SFMBT2: variants seen among roughly 807,000 people sequenced by gnomAD.
SFMBT2 encodes Scm like with four mbt domains 2, also known as scm-like with four MBT domains protein 2.
A neutral mutation model predicts 110.1 loss-of-function variants in SFMBT2; 38 were observed. The observed-to-expected ratio is 0.35, with a 90% CI of 0.27 to 0.45. SFMBT2 has a LOEUF of 0.45. Ranked by LOEUF, SFMBT2 falls within the 20% of genes least tolerant of loss-of-function variation. The probability of loss-of-function intolerance (pLI) is 1.00; values close to 1 mark genes in which losing one functional copy is unlikely to be tolerated. For synonymous variants in SFMBT2, 425 were observed against 425.4 expected (o/e 1.00, Z 0.01); for missense variants, 1,011 against 1,094.9 (o/e 0.92, Z 1.08).
chr10:7,297,486 T>C (rs1842434814), intron 4 of SFMBT2, among the ~76,000 whole-genome samples: 1 of 151,568 alleles, frequency 6.6e-6, no homozygotes, highest in African/African-American at 2.4e-5. Flanking sequence ...GGGCAGGGGC[T>C]CAGAGCTAAA....
At chr10:7,295,316 G>A (rs1842376234) in intron 4 of SFMBT2, 1 of 152,206 alleles carries the variant, frequency 6.6e-6, no homozygotes, top group African/African-American at 2.4e-5. Flanking sequence ...TCCACTCCAG[G>A]AGACTGGGAC....
At chr10:7,265,679 C>G (rs1027430374) in intron 7 of SFMBT2, among the ~76,000 whole-genome samples, 60 of 152,156 alleles carry the variant, frequency 3.9e-4, no homozygotes, top group Admixed American at 2.0e-4. Flanking sequence ...GGAGCCATTC[C>G]CCTCTTAGGC....
At chr10:7,253,501 T>G (rs980568516) in intron 7 of SFMBT2, among the ~76,000 whole-genome samples, 2 of 152,216 alleles carry the variant, frequency 1.3e-5, no homozygotes, top group Non-Finnish European at 2.9e-5. Flanking sequence ...ACACATGTGA[T>G]GTTAGAAGTG....
chr10:7,354,194 C>T (rs900837651), intron 4 of SFMBT2, among the ~76,000 whole-genome samples: 12 of 152,092 alleles, frequency 7.9e-5, no homozygotes, highest in African/African-American at 1.4e-4. Context: ...CCAACAGTCT[C>T]GTATTGTTTA....
Position 7,214,854 on chromosome 10 carries a change from G to C in SFMBT2, c.1330+5557C>G, listed in dbSNP as rs890550765. 6 of 724,450 alleles carry C rather than the reference G, an allele frequency of 8.3e-6. No homozygotes were observed. The African/African-American group carries it at 1.2e-4, about 14-fold the overall frequency. 44.9% of individuals were successfully genotyped at this position (724,450 alleles called of 1,614,324 possible). A position where few individuals can be genotyped will look rare whatever the true frequency, so the allele number is the denominator to read the frequency against. ...TCCATGCCTGTTTTAATTTATAACAGGGCTCCCCAGTTCAAAACTGGGTTT... is the reference window on the plus strand; with the variant it reads ...TCCATGCCTGTTTTAATTTATAACACGGCTCCCCAGTTCAAAACTGGGTTT... On this transcript the variant is annotated intron_variant, in intron 11 of 20. Coordinates refer to ENST00000397167, the MANE Select transcript of SFMBT2 (RefSeq NM_001387889.1).
intron 12 of SFMBT2, chr10:7,204,467 T>C: frequency 2.0e-6 from 2 of 984,636 alleles, no homozygotes; most frequent in Non-Finnish European, 2.4e-6. Flanking sequence ...TAAGGACTCA[T>C]CATTTTAAAT....
intron 4 of SFMBT2, among the ~76,000 whole-genome samples, chr10:7,310,263 C>T (rs943518194): frequency 1.3e-5 from 2 of 152,200 alleles, no homozygotes; most frequent in Admixed American, 6.5e-5. Context: ...TGCTGTCCCA[C>T]GCCAGAGGGG....
In SFMBT2 at chr10:7,172,581, C is replaced by T. The variant is rs748712257; in HGVS notation, c.2065G>A (p.Ala689Thr). ...GATTTCCGTCGCTTCCTCCGCCTGG[C>T]GGGTTTGGGGTGTCCGCTGTCGGGG... ...SNPDSGHPKP[A>T]RRRKRRKSIF... Residue 689 changes from alanine (A) to threonine (T), a missense_variant, in exon 18 of 21, where the codon GCC (alanine) becomes ACC (threonine). Physicochemically the swap from Ala to Thr is moderately conservative, Grantham distance 58. Coordinates refer to ENST00000397167, the MANE Select transcript of SFMBT2 (RefSeq NM_001387889.1). This position sits in a 1 kb window ranked among gnomAD's most constrained non-coding sequence, Gnocchi z 4.6. The T allele has an allele frequency of 1.2e-5, 19 of 1,614,104 alleles. No individual in the cohort carries two copies. The highest frequency in any genetic ancestry group is 9.3e-5 in the African/African-American group (7 of 74,938).
intron 4 of SFMBT2, among the ~76,000 whole-genome samples, chr10:7,287,964 A>G (rs1409939347): frequency 6.6e-6 from 1 of 152,254 alleles, no homozygotes; most frequent in East Asian, 1.9e-4. Context: ...AAGGACAGAC[A>G]TATGCAAATA....
At position 7,408,637 on chromosome 10, in the gene SFMBT2, G is replaced by T. The variant is rs1347736537; in HGVS notation, c.-52+2224C>A. ...GTCCCTCGGGCAGGAACCGCCGCGCGACCTCTGTTCAGCGGCCGCGTCCTG... is the reference window on the plus strand; with the variant it reads ...GTCCCTCGGGCAGGAACCGCCGCGCTACCTCTGTTCAGCGGCCGCGTCCTG... On this transcript the variant is annotated intron_variant, in intron 1 of 20. Transcript: ENST00000397167. The surrounding 1 kb of genome is among the most constrained non-coding windows in gnomAD (Gnocchi z 5.7). 1 of 152,130 alleles carries T rather than the reference G, an allele frequency of 6.6e-6. No individual in the cohort carries two copies. The highest frequency in any genetic ancestry group is 2.4e-5 in the African/African-American group (1 of 41,420). 9.4% of individuals were successfully genotyped at this position (152,130 alleles called of 1,614,324 possible).
chr10:7,163,493 A>G lies in SFMBT2; in HGVS notation c.*277T>C. ...GGAGCTGCCTGATTTGGGGCAGGAG[A>G]AAGGCAAAACGTGGGTGAGCCAAGA... On this transcript the variant is annotated 3_prime_UTR_variant, in exon 21 of 21. Transcript: ENST00000397167. The surrounding 1 kb of genome is among the most constrained non-coding windows in gnomAD (Gnocchi z 4.8). 2.7e-6 allele frequency: 1 copy of G among 369,862 alleles called. No individual in the cohort carries two copies. Among genetic ancestry groups the G allele is most frequent in the East Asian group, 5.5e-5 (1 of 18,102 alleles). 22.9% of individuals were successfully genotyped at this position (369,862 alleles called of 1,614,324 possible).
intron 15 of SFMBT2, among the ~76,000 whole-genome samples, chr10:7,196,539 T>A (rs116094230): frequency 1.8e-3 from 278 of 152,342 alleles, no homozygotes; most frequent in African/African-American, 6.0e-3. Context: ...TACATCAAGC[T>A]GAGGATTACA....
chr10:7,204,887 A>AT (rs1028459220), intron 12 of SFMBT2: 679 of 869,268 alleles, frequency 7.8e-4, no homozygotes, highest in African/African-American at 1.1e-3. Context: ...AAAAAAAAAA[A>AT]TTTTTTTTTT....
intron 16 of SFMBT2, among the ~76,000 whole-genome samples, chr10:7,179,007 T>A (rs1263141449): frequency 2.0e-5 from 3 of 152,066 alleles, no homozygotes; most frequent in Non-Finnish European, 2.9e-5. Context: ...ACTGGAAAAA[T>A]ACTTTTCCAC....
intron 15 of SFMBT2, among the ~76,000 whole-genome samples, chr10:7,194,937 T>C (rs1449479023): frequency 6.6e-6 from 1 of 152,208 alleles, no homozygotes; most frequent in Non-Finnish European, 1.5e-5. Flanking sequence ...GCCAAGGTCA[T>C]CTTGTGTGTT....
chr10:7,330,340 G>A (rs977325718), intron 4 of SFMBT2, among the ~76,000 whole-genome samples: 13 of 152,104 alleles, frequency 8.5e-5, no homozygotes, highest in Admixed American at 5.9e-4. Context: ...GGGTCCACCC[G>A]CGCTTCAGCA....
chr10:7,192,018 G>A (rs1838616453), intron 15 of SFMBT2, among the ~76,000 whole-genome samples: 1 of 151,702 alleles, frequency 6.6e-6, no homozygotes, highest in Non-Finnish European at 1.5e-5. Context: ...TCTTCTCTAT[G>A]AGAAAATAAT....
intron 10 of SFMBT2, among the ~76,000 whole-genome samples, chr10:7,225,004 T>G: frequency 6.6e-6 from 1 of 152,232 alleles, no homozygotes; most frequent in East Asian, 1.9e-4. Context: ...GCTCCATGCC[T>G]TTACATTTCT....
chr10:7,321,313 T>C (rs1348977608), intron 4 of SFMBT2, among the ~76,000 whole-genome samples: 3 of 151,490 alleles, frequency 2.0e-5, no homozygotes. Context: ...GCCATTCTCC[T>C]GCCTCAGCCT....
Sources: gnomAD v4.1 joint callset for allele counts (sites outside exome capture counted in the v4.1 genomes callset) on GRCh38, gnomAD v4.1.1 for gene constraint, Gnocchi (gnomAD v3.1) non-coding constraint, MANE v1.5 for transcripts, NCBI Gene and HGNC (gene_info 2026-07-23, HGNC 2026-07-21) for gene names.